Variants in NLGN4X observed in about 807,000 individuals in gnomAD.
NLGN4X encodes neuroligin-4, X-linked.
A neutral mutation model predicts 40.3 loss-of-function variants in NLGN4X; 3 were observed. The ratio of observed to expected loss-of-function variants is 0.07; its 90% CI spans 0.03 to 0.19. The LOEUF is 0.19. Among genes scored for constraint, NLGN4X ranks in the 10% least tolerant of loss-of-function variants. The probability of loss-of-function intolerance (pLI) is 1.00; values close to 1 mark genes in which losing one functional copy is unlikely to be tolerated. For missense variants in NLGN4X, 382 were observed against 708.3 expected (o/e 0.54, Z 5.23); for synonymous variants, 270 against 306.8 (o/e 0.88, Z 1.25).
At chrX:6,179,099 A>AAGGAAGGAAGGAAGGAAGGAAGGAAGG (rs1921123557) in intron 1 of NLGN4X, among the ~76,000 whole-genome samples, 3 of 78,192 alleles carry the variant, frequency 3.8e-5, no homozygotes, top group African/African-American at 1.9e-4. Context: ...ACCCTGAAAA[A>AAGGAAGGAAGGAAGGAAGGAAGGAAGG]AAGGAAGGAA....
At chrX:6,149,543 A>T (rs1448714891) in intron 2 of NLGN4X, among the ~76,000 whole-genome samples, 1 of 111,386 alleles carries the variant, frequency 9.0e-6, no homozygotes, top group African/African-American at 3.3e-5. Context: ...ACACACACAC[A>T]CAAAGAGGGA....
At chrX:6,183,664 GT>G (rs1213198557) in intron 1 of NLGN4X, among the ~76,000 whole-genome samples, 1 of 112,266 alleles carries the variant, frequency 8.9e-6, no homozygotes, top group Non-Finnish European at 1.9e-5. Context: ...GACGTCAAAG[GT>G]CCACTCACTT....
At chrX:6,041,831 A>G (rs1342160870) in intron 2 of NLGN4X, among the ~76,000 whole-genome samples, 1 of 112,451 alleles carries the variant, frequency 8.9e-6, no homozygotes, top group African/African-American at 3.2e-5. Context: ...GCCCACCTCT[A>G]TTATAAGAGT....
intron 2 of NLGN4X, among the ~76,000 whole-genome samples, chrX:6,059,561 A>C (rs954641995): frequency 1.8e-5 from 2 of 111,465 alleles, no homozygotes; most frequent in African/African-American, 6.5e-5. Flanking sequence ...GCTCCTCCTG[A>C]ACTGCTTCGA....
In NLGN4X at chrX:6,167,050, T is replaced by C. The variant is rs780843876; in HGVS notation, c.-305-15279A>G. Among the ~76,000 whole-genome samples, 299 of 82,707 alleles carry C rather than the reference T, an allele frequency of 3.6e-3. 1 individual carries two copies. Among genetic ancestry groups the C allele is most frequent in the African/African-American group, 0.015 (285 of 19,429 alleles). The allele number at this position is 82,707 out of a possible 115,157, so 71.8% of individuals were successfully genotyped here. On this transcript the variant is annotated intron_variant, in intron 1 of 5. Coordinates refer to ENST00000381095, the MANE Select transcript of NLGN4X (RefSeq NM_181332.3). ...TCGCACCACTACACTTCAGCCCGGGTGACAGAGTGAAACTGTCTCAAAAAA... is the reference window on the plus strand; with the variant it reads ...TCGCACCACTACACTTCAGCCCGGGCGACAGAGTGAAACTGTCTCAAAAAA...
At chrX:6,030,510 T>TTC (rs56049216) in intron 2 of NLGN4X, among the ~76,000 whole-genome samples, 4 of 109,748 alleles carry the variant, frequency 3.6e-5, no homozygotes, top group African/African-American at 1.3e-4. Context: ...AGTTTTTTTT[T>TTC]CCTCATAATC....
chrX:6,030,590 T>C (rs1438317195), intron 2 of NLGN4X, among the ~76,000 whole-genome samples: 1 of 110,631 alleles, frequency 9.0e-6, no homozygotes, highest in East Asian at 2.8e-4. Flanking sequence ...GGATGGTGGC[T>C]CCAATTTGAA....
intron 3 of NLGN4X, among the ~76,000 whole-genome samples, chrX:6,021,049 CCT>C (rs2036530645): frequency 1.4e-4 from 2 of 13,958 alleles, no homozygotes; most frequent in African/African-American, 5.1e-4. Flanking sequence ...TCTCTCTCTC[CCT>C]CCCTCCCTCC....
intron 1 of NLGN4X, among the ~76,000 whole-genome samples, chrX:6,177,211 T>C (rs960554925): frequency 8.9e-6 from 1 of 112,196 alleles, no homozygotes; most frequent in African/African-American, 3.2e-5. Flanking sequence ...CAGGCTAGAA[T>C]GCAGTGACAC....
intron 2 of NLGN4X, among the ~76,000 whole-genome samples, chrX:6,143,532 T>A (rs1196082152): frequency 1.8e-5 from 2 of 112,590 alleles, no homozygotes; most frequent in Non-Finnish European, 3.7e-5. Context: ...TTTTGTTATA[T>A]GTCATTCAAA....
intron 1 of NLGN4X, among the ~76,000 whole-genome samples, chrX:6,196,956 G>C (rs762730863): frequency 1.2e-4 from 13 of 111,904 alleles, no homozygotes; most frequent in Non-Finnish European, 2.4e-4. Flanking sequence ...CACACCCATA[G>C]GTGATGCCAT....
intron 2 of NLGN4X, among the ~76,000 whole-genome samples, chrX:6,046,760 CTT>C (rs758540310): frequency 1.0e-3 from 109 of 109,279 alleles, no homozygotes; most frequent in African/African-American, 3.1e-3. Context: ...TGCACATACA[CTT>C]TTATCACATT....
chrX:6,013,357 A>T (rs1569185542), intron 3 of NLGN4X, among the ~76,000 whole-genome samples: 1 of 110,292 alleles, frequency 9.1e-6, no homozygotes, highest in East Asian at 2.9e-4. Context: ...CACGGTTTAC[A>T]TGAAACTGGG....
intron 1 of NLGN4X, among the ~76,000 whole-genome samples, chrX:6,170,236 G>C (rs910713485): frequency 1.8e-5 from 2 of 111,318 alleles, no homozygotes; most frequent in African/African-American, 6.5e-5. Context: ...TGGGATTGCA[G>C]GCATGAGCCA....
intron 2 of NLGN4X, among the ~76,000 whole-genome samples, chrX:6,110,706 G>A (rs1466493714): frequency 8.9e-6 from 1 of 111,823 alleles, no homozygotes; most frequent in Non-Finnish European, 1.9e-5. Context: ...GCAGTTGCCT[G>A]TAGAGGCACT....
At chrX:5,995,709 G>A (rs1320270823) in intron 3 of NLGN4X, among the ~76,000 whole-genome samples, 2 of 112,043 alleles carry the variant, frequency 1.8e-5, no homozygotes, top group Admixed American at 9.4e-5. Context: ...CCATGTTTGA[G>A]GGGCCATCGA....
chrX:5,913,108 C>A (rs183817731), intron 3 of NLGN4X, among the ~76,000 whole-genome samples: 1,836 of 109,633 alleles, frequency 0.017, 47 homozygotes, highest in African/African-American at 0.057. Context: ...AGAAGGAAGG[C>A]AGGCATTTTC....
intron 2 of NLGN4X, among the ~76,000 whole-genome samples, chrX:6,057,136 C>T (rs1184415687): frequency 8.9e-6 from 1 of 112,059 alleles, no homozygotes; most frequent in Non-Finnish European, 1.9e-5. Context: ...ATCATATTGT[C>T]ACAAGATCAC....
At chrX:6,154,719 T>C (rs1361601093) in intron 1 of NLGN4X, among the ~76,000 whole-genome samples, 1 of 112,169 alleles carries the variant, frequency 8.9e-6, no homozygotes, top group Non-Finnish European at 1.9e-5. Flanking sequence ...AATATATACA[T>C]ATACTTTGGG....
Sources: allele counts gnomAD v4.1 joint callset (sites outside exome capture counted in the v4.1 genomes callset), GRCh38; gene constraint gnomAD v4.1.1; transcripts MANE v1.5; gene names NCBI Gene and HGNC (gene_info 2026-07-23, HGNC 2026-07-21).